The following TRIM14 variants were observed in gnomAD, a reference collection of about 807,000 sequenced individuals.
The protein encoded by TRIM14 is tripartite motif containing 14.
TRIM14 carries 28 observed loss-of-function variants against 44.5 expected under a neutral mutation model. The observed-to-expected ratio is 0.63, with a 90% CI of 0.47 to 0.86. The LOEUF (loss-of-function observed/expected upper bound fraction) is 0.86, where lower values mean the gene tolerates loss of function less well. TRIM14 is among the 40% of genes least tolerant of loss of function. The pLI is 0.00. For missense variants in TRIM14, 607 were observed against 611.1 expected, an observed-to-expected ratio of 0.99 and a Z score of 0.07; for synonymous variants, 299 against 269.2, an observed-to-expected ratio of 1.11 and a Z score of -1.08.
the TRIM14 span, among the ~76,000 whole-genome samples, chr9:98,046,828 A>G: frequency 3.0e-3 from 453 of 152,300 alleles, 1 homozygote; most frequent in African/African-American, 0.01. Flanking sequence ...TAATTGATTA[A>G]AAAAAATTAA....
rs554706947 is a variant in TRIM14, at chr9:98,111,737, C to T, written c.208-1753G>A. Among the ~76,000 whole-genome samples, 20 of 152,158 alleles carry T rather than the reference C, an allele frequency of 1.3e-4. No individual in the cohort carries two copies. The South Asian group carries it at 3.9e-3, about 30-fold the overall frequency. On this transcript the variant is annotated intron_variant, in intron 1 of 5. Transcript: ENST00000341469. ...GGCAGATAACCTGAGGTCAGGGGTT[C>T]GAGACAGCCTGACCAACGTGGAGAA...
downstream of TRIM14, among the ~76,000 whole-genome samples, chr9:98,066,492 C>T (rs1022221767): frequency 4.6e-5 from 7 of 152,240 alleles, no homozygotes; most frequent in East Asian, 3.9e-4. Flanking sequence ...TTCACCCAAT[C>T]GAGGGTACAA....
intron 2 of TRIM14, among the ~76,000 whole-genome samples, chr9:98,101,245 G>T (rs10985048): frequency 6.6e-6 from 1 of 152,024 alleles, no homozygotes; most frequent in Middle Eastern, 3.4e-3. Context: ...AAAATGCTGA[G>T]ATTACAGGCA....
At chr9:98,056,746 A>AGGC in the TRIM14 span, 347 of 1,567,674 alleles carry the variant, frequency 2.2e-4, 1 homozygote, top group Middle Eastern at 7.4e-4. Context: ...AACAGAGTAG[A>AGGC]GGCGGCGGCG....
At chr9:98,042,292 G>GAAAAA in the TRIM14 span, among the ~76,000 whole-genome samples, 1 of 136,576 alleles carries the variant, frequency 7.3e-6, no homozygotes. Flanking sequence ...GACTCTGTCT[G>GAAAAA]GAAAAAAAAA....
Position 98,119,138 on chromosome 9 carries a change from G to A in TRIM14, c.51C>T (p.Val17=), listed in dbSNP as rs745398502. 6.3e-7 allele frequency: 1 copy of A among 1,586,362 alleles called. No individual in the cohort carries two copies. ...GSRTPGRSEL[V]EGCGWRCPEH... ...CCGGGCAGCGCCAGCCGCATCCCTC[G>A]ACAAGCTCCGACCTCCCAGGGGTCC... Residue 17 remains valine, a synonymous_variant, in exon 1 of 6, where the codon GTC becomes GTT. Coordinates refer to ENST00000341469, the MANE Select transcript of TRIM14 (RefSeq NM_014788.4).
At chr9:98,110,353 T>A (rs1564189166) in intron 1 of TRIM14, 1 of 236,030 alleles carries the variant, frequency 4.2e-6, no homozygotes. Context: ...GCACCTATTA[T>A]GTGCTGGGCC....
the TRIM14 span, among the ~76,000 whole-genome samples, chr9:98,050,703 G>A: frequency 2.6e-5 from 4 of 152,024 alleles, no homozygotes; most frequent in African/African-American, 7.3e-5. Flanking sequence ...GGGCCTTAAC[G>A]CCACTCTCAG....
chr9:98,036,152 G>A, the TRIM14 span, among the ~76,000 whole-genome samples: 4 of 151,238 alleles, frequency 2.6e-5, no homozygotes, highest in Non-Finnish European at 4.4e-5. Context: ...AGCAGAGATC[G>A]TGCCATTGCA....
chr9:98,056,630 C>T, the TRIM14 span: 2 of 969,958 alleles, frequency 2.1e-6, no homozygotes, highest in Non-Finnish European at 1.4e-6. Context: ...CGCCCCCCGC[C>T]CCGATTGGCT....
chr9:98,116,798 C>G (rs1050198423), intron 1 of TRIM14, among the ~76,000 whole-genome samples: 1 of 147,852 alleles, frequency 6.8e-6, no homozygotes, highest in Non-Finnish European at 1.5e-5. Flanking sequence ...GAGCCACGAT[C>G]ATGCCATTGC....
At chr9:98,106,235 C>A (rs1186332945) in intron 2 of TRIM14, among the ~76,000 whole-genome samples, 1 of 152,016 alleles carries the variant, frequency 6.6e-6, no homozygotes, top group East Asian at 1.9e-4. Flanking sequence ...ATTGTATGTA[C>A]AATATAACTC....
intron 2 of TRIM14, among the ~76,000 whole-genome samples, chr9:98,107,989 A>G (rs548708369): frequency 6.6e-6 from 1 of 152,158 alleles, no homozygotes; most frequent in South Asian, 2.1e-4. Context: ...AGAACTTGGC[A>G]GTGATGGAAT....
rs1351160679 is a variant in TRIM14 at position 98,100,017 on chromosome 9, A to G, written c.451T>C (p.Cys151Arg). Residue 151 changes from cysteine to arginine, a missense_variant, in exon 3 of 6, where the codon TGC becomes CGC. By Grantham distance (180) the Cys-to-Arg change is radical. Around this residue, in one of 3 missense-constraint regions of TRIM14, gnomAD observed 246 missense variants for 270.8 expected, o/e 0.91. Coordinates refer to ENST00000341469, the MANE Select transcript of TRIM14 (RefSeq NM_014788.4). ...LQVYREQADSCREQLDIMNDL... is the reference protein window; with the variant it reads ...LQVYREQADSRREQLDIMNDL... ...TTCATGATGTCAAGTTGCTCTCTGC[A>G]AGAGTCAGCTTGTTCCCTGTACACC... 1.2e-6 allele frequency: 2 copies of G among 1,614,210 alleles called. No homozygotes were observed. Among genetic ancestry groups the G allele is most frequent in the East Asian group, 4.5e-5 (2 of 44,892 alleles).
chr9:98,118,666 A>G (rs574583433), intron 1 of TRIM14, among the ~76,000 whole-genome samples: 15 of 152,330 alleles, frequency 9.8e-5, no homozygotes, highest in African/African-American at 3.4e-4. Flanking sequence ...TTCCAGCCCA[A>G]TGGCAGTGTG....
intron 5 of TRIM14, 125 bp downstream of exon 5, chr9:98,091,784 A>ACAAT (rs1826002022): frequency 2.1e-6 from 1 of 465,428 alleles, no homozygotes; most frequent in African/African-American, 2.1e-5. Flanking sequence ...ACAAGTTCTT[A>ACAAT]AAATAAATAA....
chr9:98,065,483 A>ATTTTTTTTTTTTTTTTTTTTTT (rs397837187), downstream of TRIM14, among the ~76,000 whole-genome samples: 6 of 58,630 alleles, frequency 1.0e-4, 1 homozygote, highest in Admixed American at 5.3e-4. Flanking sequence ...TGCCCAGCTA[A>ATTTTTTTTTTTTTTTTTTTTTT]TTTTTTTTTT....
chr9:98,073,924 C>G (rs566921348), intron 6 of TRIM14, among the ~76,000 whole-genome samples: 1 of 152,070 alleles, frequency 6.6e-6, no homozygotes, highest in African/African-American at 2.4e-5. Context: ...GTAGCTGGGA[C>G]TGCAGGCACA....
intron 1 of TRIM14, among the ~76,000 whole-genome samples, chr9:98,112,547 T>A (rs1826888595): frequency 6.6e-6 from 1 of 152,140 alleles, no homozygotes; most frequent in South Asian, 2.1e-4. Context: ...CTGCCTGTAA[T>A]CCCAGAACTT....
Sources: gnomAD v4.1 joint callset for allele counts (sites outside exome capture counted in the v4.1 genomes callset) on GRCh38, gnomAD v4.1.1 for gene constraint, gnomAD v4.1.1 regional missense constraint, MANE v1.5 for transcripts, NCBI Gene and HGNC (gene_info 2026-07-23, HGNC 2026-07-21) for gene names.